The following PTPN3 variants were observed in gnomAD, a reference collection of about 807,000 sequenced individuals.
The protein encoded by PTPN3 is protein tyrosine phosphatase non-receptor type 3, also known as tyrosine-protein phosphatase non-receptor type 3.
In PTPN3, 96 loss-of-function variants were observed where a neutral mutation model predicts 132.7. The observed-to-expected ratio is 0.72, with a 90% CI of 0.61 to 0.86. The LOEUF is 0.86. Among genes scored for constraint, PTPN3 ranks in the 40% least tolerant of loss-of-function variants. The pLI is 0.00. For missense variants in PTPN3, 1,125 were observed against 1,159.6 expected, an observed-to-expected ratio of 0.97 and a Z score of 0.43; for synonymous variants, 398 against 429.0, an observed-to-expected ratio of 0.93 and a Z score of 0.89.
the PTPN3 span, among the ~76,000 whole-genome samples, chr9:109,532,080 T>C: frequency 9.8e-5 from 15 of 152,298 alleles, 1 homozygote; most frequent in South Asian, 2.5e-3. Flanking sequence ...GTGTAAGAAT[T>C]TTAGAAGGGA....
chr9:109,534,717 G>A, the PTPN3 span, among the ~76,000 whole-genome samples: 1 of 150,998 alleles, frequency 6.6e-6, no homozygotes, highest in African/African-American at 2.4e-5. Flanking sequence ...CAGGAGAATC[G>A]CTTGAACCCG....
chr9:109,420,769 G>A lies in PTPN3; in HGVS notation c.1137-169C>T, dbSNP rs896242487. Among the ~76,000 whole-genome samples the A allele has an allele frequency of 3.3e-5, 5 of 152,108 alleles. 1 individual carries two copies. Among genetic ancestry groups the A allele is most frequent in the Non-Finnish European group, 5.9e-5 (4 of 68,026 alleles). ...TACTACCCCAGCAGAAGGCACCAAGGGTGACACAAATCCCTAACACTCTCA... is the reference window on the plus strand; with the variant it reads ...TACTACCCCAGCAGAAGGCACCAAGAGTGACACAAATCCCTAACACTCTCA... On this transcript the variant is annotated intron_variant, in intron 13 of 25. Coordinates refer to ENST00000374541, the MANE Select transcript of PTPN3 (RefSeq NM_002829.4).
rs761116253 is a variant in PTPN3, at chr9:109,379,623, T to G, written c.2675A>C (p.Lys892Thr). 2 of 1,614,012 alleles carry G rather than the reference T, an allele frequency of 1.2e-6. No homozygotes were observed. The highest frequency in any genetic ancestry group is 1.3e-5 in the African/African-American group (1 of 75,040). ...AMMVQTSSQY[K>T]FVCEAILRVY... ...ACGAAGAATCGCTTCACACACAAAC[T>G]TGTACTGGCTCTGGAAAAGAAAAAA... Residue 892 changes from lysine to threonine, a missense_variant, in exon 26 of 26, where the codon AAG becomes ACG. Coordinates refer to ENST00000374541, the MANE Select transcript of PTPN3 (RefSeq NM_002829.4).
intron 1 of PTPN3, among the ~76,000 whole-genome samples, chr9:109,472,438 C>A (rs1846427846): frequency 6.6e-6 from 1 of 152,184 alleles, no homozygotes; most frequent in Admixed American, 6.5e-5. Context: ...TTAATATTTT[C>A]TGTTTTCACC....
At chr9:109,435,652 T>C (rs1177809061) in intron 9 of PTPN3, among the ~76,000 whole-genome samples, 1 of 152,230 alleles carries the variant, frequency 6.6e-6, no homozygotes, top group Non-Finnish European at 1.5e-5. Context: ...GCCACGCAGA[T>C]ATCATCTGGC....
the PTPN3 span, among the ~76,000 whole-genome samples, chr9:109,520,145 CGA>C: frequency 7.2e-6 from 1 of 138,382 alleles, no homozygotes; most frequent in Admixed American, 7.7e-5. Flanking sequence ...GGTGATACAG[CGA>C]GAGTCTGTCT....
intron 7 of PTPN3, 107 bp from the exon 8 acceptor site, chr9:109,438,341 C>A (rs895780697): frequency 6.3e-6 from 8 of 1,262,400 alleles, no homozygotes; most frequent in Non-Finnish European, 6.5e-6. Flanking sequence ...ATTAGAAATA[C>A]TCTTCTGGTA....
chr9:109,464,661 A>G (rs1846009333), intron 1 of PTPN3, among the ~76,000 whole-genome samples: 1 of 152,260 alleles, frequency 6.6e-6, no homozygotes, highest in Admixed American at 6.5e-5. Context: ...TATTCATAAT[A>G]ATCCTAAGCT....
intron 7 of PTPN3, among the ~76,000 whole-genome samples, chr9:109,441,322 G>T (rs1184514891): frequency 6.6e-6 from 1 of 152,182 alleles, no homozygotes; most frequent in African/African-American, 2.4e-5. Flanking sequence ...TATATCCCAG[G>T]TTCCAAAGTA....
At chr9:109,498,511 G>A (rs1351792101), upstream of PTPN3, among the ~76,000 whole-genome samples, 1 of 152,120 alleles carries the variant, frequency 6.6e-6, no homozygotes, top group African/African-American at 2.4e-5. This position sits in a 1 kb window ranked among gnomAD's most constrained non-coding sequence, Gnocchi z 4.2. Context: ...CCTCGCGCAT[G>A]CATGCAGCCA....
intron 2 of PTPN3, among the ~76,000 whole-genome samples, chr9:109,458,690 T>C (rs1329543080): frequency 6.6e-6 from 1 of 152,186 alleles, no homozygotes; most frequent in East Asian, 1.9e-4. Flanking sequence ...ACAGCGCTTG[T>C]ACCTCCTGCT....
the PTPN3 span, among the ~76,000 whole-genome samples, chr9:109,506,310 C>T: frequency 2.0e-5 from 3 of 152,186 alleles, no homozygotes; most frequent in Non-Finnish European, 2.9e-5. Flanking sequence ...AAAATAAACA[C>T]ATCAAAGTAT....
At chr9:109,400,100 T>C (rs1840959829) in intron 19 of PTPN3, among the ~76,000 whole-genome samples, 1 of 152,044 alleles carries the variant, frequency 6.6e-6, no homozygotes, top group East Asian at 1.9e-4. Context: ...GCTAATTTTT[T>C]TATGTTTAGT....
At chr9:109,502,816 C>T (rs1262517655), upstream of PTPN3, among the ~76,000 whole-genome samples, 1 of 152,148 alleles carries the variant, frequency 6.6e-6, no homozygotes, top group African/African-American at 2.4e-5. Context: ...ATGAAATTGC[C>T]ATTTTATGGG....
rs1466430590 is a variant in PTPN3, at chr9:109,427,089, T to C, written c.862A>G (p.Met288Val). Residue 288 changes from methionine to valine, a missense_variant, in exon 12 of 26, where the codon ATG becomes GTG. Physicochemically the swap from Met to Val is conservative, Grantham distance 21. Coordinates refer to ENST00000374541, the MANE Select transcript of PTPN3 (RefSeq NM_002829.4). ...TTTTTGCAAGATCGGTAATTCAGCA[T>C]GTTGAAGGCCACAATATGTTCCCTG... ...ESREHIVAFNMLNYRSCKNLW... is the reference protein window; with the variant it reads ...ESREHIVAFNVLNYRSCKNLW... 6.2e-7 allele frequency: 1 copy of C among 1,614,052 alleles called. No homozygotes were observed. Among genetic ancestry groups the C allele is most frequent in the African/African-American group, 1.3e-5 (1 of 74,930 alleles).
Position 109,378,321 on chromosome 9 carries a change from C to G in PTPN3, c.*1235G>C, listed in dbSNP as rs1323306395. 1 of 152,588 alleles carries G rather than the reference C, an allele frequency of 6.6e-6. No individual in the cohort carries two copies. The highest frequency in any genetic ancestry group is 1.5e-5 in the Non-Finnish European group (1 of 68,038). The allele number at this position is 152,588 out of a possible 1,614,324, so 9.5% of individuals were successfully genotyped here. On this transcript the variant is annotated 3_prime_UTR_variant, in exon 26 of 26. Coordinates refer to ENST00000374541, the MANE Select transcript of PTPN3 (RefSeq NM_002829.4). Reference sequence around the variant, plus strand: ...TTAAAAAAATTTAACACGGTATTCACAAAGGCAGAATTCTTTAGGACAATC... The same window carrying G: ...TTAAAAAAATTTAACACGGTATTCAGAAAGGCAGAATTCTTTAGGACAATC...
chr9:109,486,325 CTT>C (rs1588503223), intron 1 of PTPN3, among the ~76,000 whole-genome samples: 1 of 152,140 alleles, frequency 6.6e-6, no homozygotes, highest in African/African-American at 2.4e-5. Flanking sequence ...ATCTTCTGTG[CTT>C]TTTAAGGGAA....
intron 1 of PTPN3, among the ~76,000 whole-genome samples, chr9:109,496,112 TAGG>T (rs1847656914): frequency 6.6e-6 from 1 of 152,220 alleles, no homozygotes; most frequent in Non-Finnish European, 1.5e-5. Context: ...GAGTCCTTTT[TAGG>T]AGATGGCAAA....
At position 109,391,341 on chromosome 9, in the gene PTPN3, T is replaced by G. The variant is rs958379162; in HGVS notation, c.2044+130A>C. On this transcript the variant is annotated intron_variant, in intron 20 of 25. Transcript: ENST00000374541. ...TTCCCCAACTGTTCCGAGTCTGAAA[T>G]GGCTGCAATAAAGACGGTGGTGTTT... The G allele has an allele frequency of 9.5e-6, 12 of 1,269,822 alleles. No homozygotes were observed. The East Asian group carries it at 2.8e-4, about 29-fold the overall frequency. 78.7% of individuals were successfully genotyped at this position (1,269,822 alleles called of 1,614,324 possible). A position where few individuals can be genotyped will look rare whatever the true frequency, so the allele number is the denominator to read the frequency against.
Sources: gnomAD v4.1 joint callset for allele counts (sites outside exome capture counted in the v4.1 genomes callset) on GRCh38, gnomAD v4.1.1 for gene constraint, Gnocchi (gnomAD v3.1) non-coding constraint, MANE v1.5 for transcripts, NCBI Gene and HGNC (gene_info 2026-07-23, HGNC 2026-07-21) for gene names.